Variants in MLLT6 observed in about 807,000 individuals in gnomAD.
MLLT6 encodes the protein protein AF-17.
In MLLT6, 22 loss-of-function variants were observed where a neutral mutation model predicts 103.0. The ratio of observed to expected loss-of-function variants is 0.21; its 90% CI spans 0.15 to 0.31. The LOEUF is 0.31. Among genes scored for constraint, MLLT6 ranks in the 10% least tolerant of loss-of-function variants. The pLI is 1.00. For synonymous variants in MLLT6, 606 were observed against 623.5 expected (o/e 0.97, Z 0.42); for missense variants, 1,199 against 1,441.7 (o/e 0.83, Z 2.73).
rs771489548 is a variant in MLLT6, at chr17:38,717,508, C to T, written c.1728C>T (p.Ser576=). The T allele has an allele frequency of 1.2e-6, 2 of 1,613,418 alleles. No individual in the cohort carries two copies. Among genetic ancestry groups the T allele is most frequent in the Non-Finnish European group, 8.5e-7 (1 of 1,179,948 alleles). ...MLRAVCSTPL[S]SSLLGPPGTS... ...GGGCTGTCTGCAGCACCCCTCTCTCCTCCAGCCTCCTGGGGCCCCCAGGGA... is the reference window on the plus strand; with the variant it reads ...GGGCTGTCTGCAGCACCCCTCTCTCTTCCAGCCTCCTGGGGCCCCCAGGGA... Residue 576 remains serine, a synonymous_variant, in exon 11 of 20, where the codon TCC becomes TCT. Coordinates refer to ENST00000621332, the MANE Select transcript of MLLT6 (RefSeq NM_005937.4).
rs1241783490 is a variant in MLLT6, at chr17:38,728,069, C to T, written c.*2471C>T. On this transcript the variant is annotated 3_prime_UTR_variant, in exon 20 of 20. Transcript: ENST00000621332. ...TTCTCATCTCCAAGTGGCTGTTCTC[C>T]AACTTTCCCAAGCCGCTTGCATTCC... The T allele has an allele frequency of 2.6e-5, 6 of 233,182 alleles. No homozygotes were observed. Among genetic ancestry groups the T allele is most frequent in the Admixed American group, 1.7e-4 (3 of 17,774 alleles). 14.4% of individuals were successfully genotyped at this position (233,182 alleles called of 1,614,324 possible).
In MLLT6 at chr17:38,709,085, G is replaced by A. The variant is rs902101794; in HGVS notation, c.355-88G>A. The stretch of plus-strand genomic sequence containing the variant: ...GATAGCACTGATCTAAGACTGTAGA[G>A]AGCAAATGGAATGGAGGGGGTGGCC... On this transcript the variant is annotated intron_variant, in intron 4 of 19. Transcript: ENST00000621332. This position sits in a 1 kb window ranked among gnomAD's most constrained non-coding sequence, Gnocchi z 4.3. 1.2e-5 allele frequency: 11 copies of A among 944,456 alleles called. No individual in the cohort carries two copies. The highest frequency in any genetic ancestry group is 1.8e-5 in the Non-Finnish European group (11 of 605,942). The allele number at this position is 944,456 out of a possible 1,614,324, so 58.5% of individuals were successfully genotyped here.
At chr17:38,712,443 C>T (rs1439729185) in intron 7 of MLLT6, among the ~76,000 whole-genome samples, 2 of 152,212 alleles carry the variant, frequency 1.3e-5, no homozygotes, top group Non-Finnish European at 2.9e-5. Context: ...GCGTGGTGCT[C>T]TATAGCACTG....
chr17:38,708,732 G>A (rs1905034496), intron 4 of MLLT6, among the ~76,000 whole-genome samples: 1 of 152,022 alleles, frequency 6.6e-6, no homozygotes. Context: ...CCCATCTCTA[G>A]AAAAATACAA....
chr17:38,716,588 C>T lies in MLLT6; in HGVS notation c.1258C>T (p.Arg420Trp), dbSNP rs994645362. ...CACCACCTCCAGCTCAGGCCGGGCC[C>T]GGGCGCCCTCCCCTGGGGACTATAA... ...STTTSSSGRA[R>W]APSPGDYKSP... Residue 420 changes from arginine to tryptophan, a missense_variant, in exon 10 of 20, where the codon CGG becomes TGG. By Grantham distance (101) the Arg-to-Trp change is moderately radical. Transcript: ENST00000621332. This position sits in a 1 kb window ranked among gnomAD's most constrained non-coding sequence, Gnocchi z 5.6. 11 of 1,614,054 alleles carry T rather than the reference C, an allele frequency of 6.8e-6. No homozygotes were observed. The highest frequency in any genetic ancestry group is 1.1e-5 in the South Asian group (1 of 91,084).
In MLLT6 at chr17:38,726,105, G is replaced by T. The variant is rs1029423753; in HGVS notation, c.*507G>T. On this transcript the variant is annotated 3_prime_UTR_variant, in exon 20 of 20. Coordinates refer to ENST00000621332, the MANE Select transcript of MLLT6 (RefSeq NM_005937.4). The stretch of plus-strand genomic sequence containing the variant: ...GAAGGGACCCCTTGGACTTTTTCTC[G>T]CCATCCCTCCCCCCAGCGCAGGGGC... 1.3e-5 allele frequency: 3 copies of T among 234,970 alleles called. No individual in the cohort carries two copies. Among genetic ancestry groups the T allele is most frequent in the Admixed American group, 5.6e-5 (1 of 17,800 alleles). The allele number at this position is 234,970 out of a possible 1,614,324, so 14.6% of individuals were successfully genotyped here. A position where few individuals can be genotyped will look rare whatever the true frequency, so the allele number is the denominator to read the frequency against.
At chr17:38,714,043 G>C (rs1012399944) in intron 8 of MLLT6, 1 of 152,244 alleles carries the variant, frequency 6.6e-6, no homozygotes. Context: ...CCTGAAGCAC[G>C]AACGAACTCA....
chr17:38,706,786 C>G (rs529461349), intron 1 of MLLT6, 164 bp from the exon 2 acceptor site: 3 of 494,892 alleles, frequency 6.1e-6, no homozygotes, highest in Admixed American at 3.5e-5. Flanking sequence ...TGGTGTTGGG[C>G]GGTTGGGCAG....
In MLLT6 at chr17:38,715,771, G is replaced by A. The variant is rs146278240; in HGVS notation, c.979G>A (p.Ala327Thr). Residue 327 changes from alanine to threonine, a missense_variant, in exon 9 of 20, where the codon GCC (alanine) becomes ACC (threonine). Coordinates refer to ENST00000621332, the MANE Select transcript of MLLT6 (RefSeq NM_005937.4). Reference protein sequence around the residue: ...SGKGVSSFTSASSSSSSSSSS... With the variant: ...SGKGVSSFTSTSSSSSSSSSS... ...GAAAGGTGTGAGCAGTTTTACCTCC[G>A]CCTCCTCTTCTTCCTCCTCCTCTTC... 10,075 of 1,613,000 alleles carry A rather than the reference G, an allele frequency of 6.2e-3. 48 individuals are homozygous for A. Among genetic ancestry groups the A allele is most frequent in the Non-Finnish European group, 7.8e-3 (9,171 of 1,179,490 alleles).
chr17:38,720,098 TGG>T, intron 14 of MLLT6: 1 of 796,120 alleles, frequency 1.3e-6, no homozygotes, highest in Non-Finnish European at 1.9e-6. Context: ...TTGGCCTTCG[TGG>T]CCTCCGGGCC....
intron 10 of MLLT6, 98 bp from the exon 11 acceptor site, chr17:38,717,334 G>C: frequency 1.0e-6 from 1 of 968,152 alleles, no homozygotes; most frequent in Non-Finnish European, 1.6e-6. Flanking sequence ...CAGATCCCGG[G>C]GAGCACTCGA....
At position 38,720,436 on chromosome 17, in the gene MLLT6, C is replaced by T; in HGVS notation, c.2220C>T (p.Ile740=). The change falls in exon 15 of 20, where the codon ATC becomes ATT. Residue 740 remains isoleucine (I), a synonymous_variant. Coordinates refer to ENST00000621332, the MANE Select transcript of MLLT6 (RefSeq NM_005937.4). The part of the protein sequence containing the change: ...QKENQRLQEQ[I]LSLTAKKERL... ...AGAACCAGCGGCTGCAAGAGCAGAT[C>T]CTGAGCCTGACGGCCAAAAAGGAGC... 3.1e-6 allele frequency: 5 copies of T among 1,612,836 alleles called. No homozygotes were observed. The highest frequency in any genetic ancestry group is 4.2e-6 in the Non-Finnish European group (5 of 1,179,968).
In MLLT6 at chr17:38,712,025, T is replaced by A; in HGVS notation, c.720+11T>A. 1 of 1,534,474 alleles carries A rather than the reference T, an allele frequency of 6.5e-7. No homozygotes were observed. Among genetic ancestry groups the A allele is most frequent in the Non-Finnish European group, 8.8e-7 (1 of 1,138,686 alleles). On this transcript the variant is annotated intron_variant, in intron 7 of 19. Transcript: ENST00000621332. The stretch of plus-strand genomic sequence containing the variant: ...AGGGGCCAGAAGAAGGTAGAAGTCC[T>A]CCCCCACCTGCCATCACTCCCACAC...
intron 19 of MLLT6, 51 bp from the exon 20 acceptor site, chr17:38,725,506 G>T (rs766272771): frequency 6.4e-7 from 1 of 1,557,754 alleles, no homozygotes; most frequent in South Asian, 1.1e-5. Context: ...TTATCTGGGG[G>T]TTAGGACCTG....
At chr17:38,708,279 G>C (rs1490798338) in intron 4 of MLLT6, 1 of 174,962 alleles carries the variant, frequency 5.7e-6, no homozygotes, top group Admixed American at 6.1e-5. Context: ...CAGTAAAAAG[G>C]CAAAGTAAAT....
In MLLT6 at chr17:38,727,355, G is replaced by A. The variant is rs1054951529; in HGVS notation, c.*1757G>A. 1 of 231,622 alleles carries A rather than the reference G, an allele frequency of 4.3e-6. No homozygotes were observed. Among genetic ancestry groups the A allele is most frequent in the African/African-American group, 2.2e-5 (1 of 45,064 alleles). The allele number at this position is 231,622 out of a possible 1,614,324, so 14.3% of individuals were successfully genotyped here. The stretch of plus-strand genomic sequence containing the variant: ...AAGGCAATTTCTTAGGCACTTGCAA[G>A]GGCTTGGGGGAGGGGGAGGCAGTTG... On this transcript the variant is annotated 3_prime_UTR_variant, in exon 20 of 20. Transcript: ENST00000621332.
Position 38,716,495 on chromosome 17 carries a change from C to A in MLLT6, c.1165C>A (p.Pro389Thr), listed in dbSNP as rs1448229181. The change falls in exon 10 of 20, where the codon CCC becomes ACC. Residue 389 changes from proline to threonine, a missense_variant. By Grantham distance (38) the Pro-to-Thr change is conservative (BLOSUM62 -1). Coordinates refer to ENST00000621332, the MANE Select transcript of MLLT6 (RefSeq NM_005937.4). The surrounding 1 kb of genome is among the most constrained non-coding windows in gnomAD (Gnocchi z 5.6). Reference protein sequence around the residue: ...APPSPSAPEPPKADLFEQKVV... With the variant: ...APPSPSAPEPTKADLFEQKVV... Reference sequence around the variant, plus strand: ...TCCTTCTCCCTCAGCTCCCGAGCCCCCCAAGGCTGACCTTTTTGAGCAGAA... The same window carrying A: ...TCCTTCTCCCTCAGCTCCCGAGCCCACCAAGGCTGACCTTTTTGAGCAGAA... 1 of 1,614,210 alleles carries A rather than the reference C, an allele frequency of 6.2e-7. No homozygotes were observed.
Position 38,722,001 on chromosome 17 carries a change from G to C in MLLT6, c.2566G>C (p.Ala856Pro). The part of the protein sequence containing the change: ...TLPLALPGAP[A>P]PLPPQPQNGL... ...GCCCCTGGCCCTGCCTGGGGCCCCTGCCCCACTCCCGCCCCAGCCGCAGAA... is the reference window on the plus strand; with the variant it reads ...GCCCCTGGCCCTGCCTGGGGCCCCTCCCCCACTCCCGCCCCAGCCGCAGAA... Residue 856 changes from alanine to proline, a missense_variant, in exon 17 of 20, where the codon GCC (alanine) becomes CCC (proline). Ala to Pro is a conservative substitution (Grantham distance 27, BLOSUM62 -1). Around this residue, in one of 7 missense-constraint regions of MLLT6, gnomAD observed 1,034 missense variants for 1,091.5 expected, o/e 0.95. Transcript: ENST00000621332. The C allele has an allele frequency of 4.6e-5, 68 of 1,488,624 alleles. No individual in the cohort carries two copies. Among genetic ancestry groups the C allele is most frequent in the Non-Finnish European group, 6.1e-5 (68 of 1,121,022 alleles). 92.2% of individuals were successfully genotyped at this position (1,488,624 alleles called of 1,614,324 possible).
At chr17:38,717,816 C>A in intron 11 of MLLT6, 29 bp from the exon 12 acceptor site, 2 of 1,561,014 alleles carry the variant, frequency 1.3e-6, no homozygotes, top group Non-Finnish European at 1.8e-6. Flanking sequence ...CAAGAATAAC[C>A]GCCAGGGGAT....
Sources: gnomAD v4.1 joint callset for allele counts (sites outside exome capture counted in the v4.1 genomes callset) on GRCh38, gnomAD v4.1.1 for gene constraint, gnomAD v4.1.1 regional missense constraint, Gnocchi (gnomAD v3.1) non-coding constraint, MANE v1.5 for transcripts, NCBI Gene and HGNC (gene_info 2026-07-23, HGNC 2026-07-21) for gene names.